The following EVPLL variants were observed in gnomAD, a reference collection of about 807,000 sequenced individuals.
EVPLL encodes the protein envoplakin-like protein.
EVPLL carries 39 observed loss-of-function variants against 46.2 expected under a neutral mutation model. That is an observed-to-expected ratio of 0.84 (90% CI 0.65 to 1.10). The LOEUF (loss-of-function observed/expected upper bound fraction) is 1.10, where lower values mean the gene tolerates loss of function less well. Ranked by LOEUF, EVPLL falls within the 50% of genes least tolerant of loss-of-function variation. EVPLL has a pLI of 0.00. For synonymous variants in EVPLL, 156 were observed against 165.8 expected (o/e 0.94, Z 0.46); for missense variants, 385 against 412.6 (o/e 0.93, Z 0.58).
chr17:18,385,873 C>T lies in EVPLL; in HGVS notation c.876+2286C>T, dbSNP rs148435527. Among the ~76,000 whole-genome samples, 882 of 152,292 alleles carry T rather than the reference C, an allele frequency of 5.8e-3. 9 individuals are homozygous for T. The highest frequency in any genetic ancestry group is 0.02 in the African/African-American group (851 of 41,558). On this transcript the variant is annotated intron_variant, in intron 9 of 10. Transcript: ENST00000399134. ...CACTGAAATTATGCACCCTGCACCC[C>T]GCCGTCCCCACCCTGGCCAGAACTA...
chr17:18,381,921 G>A lies in EVPLL; in HGVS notation c.346+191G>A, dbSNP rs1341181148. 2.3e-6 allele frequency: 2 copies of A among 857,448 alleles called. No homozygotes were observed. The highest frequency in any genetic ancestry group is 5.4e-5 in the East Asian group (2 of 37,336). 53.1% of individuals were successfully genotyped at this position (857,448 alleles called of 1,614,324 possible). Reference sequence around the variant, plus strand: ...GGAGGAGGCACATGAAGAGACCTCAGAGGGGTGAGAGGGCTCGGTTGGGTC... The same window carrying A: ...GGAGGAGGCACATGAAGAGACCTCAAAGGGGTGAGAGGGCTCGGTTGGGTC... On this transcript the variant is annotated intron_variant, in intron 4 of 10. Coordinates refer to ENST00000399134, the MANE Select transcript of EVPLL (RefSeq NM_001145127.2). This position sits in a 1 kb window ranked among gnomAD's most constrained non-coding sequence, Gnocchi z 4.2.
At position 18,383,018 on chromosome 17, in the gene EVPLL, A is replaced by G. The variant is rs1304676352; in HGVS notation, c.512-7A>G. On this transcript the variant is annotated splice_polypyrimidine_tract_variant and splice_region_variant and intron_variant, in intron 6 of 10. Transcript: ENST00000399134. Reference sequence around the variant, plus strand: ...ACCCTGCTGCTGGCGGCGGGTCCTGAGCACAGAGGGCGGCGTCGTGGCGCG... The same window carrying G: ...ACCCTGCTGCTGGCGGCGGGTCCTGGGCACAGAGGGCGGCGTCGTGGCGCG... The G allele has an allele frequency of 1.9e-6, 3 of 1,559,940 alleles. No individual in the cohort carries two copies. Among genetic ancestry groups the G allele is most frequent in the Non-Finnish European group, 2.6e-6 (3 of 1,158,040 alleles).
At position 18,383,297 on chromosome 17, in the gene EVPLL, C is replaced by A. The variant is rs1274677572; in HGVS notation, c.699C>A (p.Ser233Arg). ...YEHFKQHELL[S>R]QEQSVNQLEE... ...ACTTCAAGCAGCACGAGCTGCTGAGCCAGGAGCAGAGCGTAAACCAGCTGG... is the reference window on the plus strand; with the variant it reads ...ACTTCAAGCAGCACGAGCTGCTGAGACAGGAGCAGAGCGTAAACCAGCTGG... The change falls in exon 8 of 11, where the codon AGC becomes AGA. Residue 233 changes from serine to arginine, a missense_variant. Coordinates refer to ENST00000399134, the MANE Select transcript of EVPLL (RefSeq NM_001145127.2). The A allele has an allele frequency of 1.9e-6, 3 of 1,599,118 alleles. No homozygotes were observed. The highest frequency in any genetic ancestry group is 2.6e-6 in the Non-Finnish European group (3 of 1,174,298).
rs769218995 is a variant in EVPLL, at chr17:18,381,712, C to A, written c.328C>A (p.Arg110Ser). 3.1e-6 allele frequency: 5 copies of A among 1,614,144 alleles called. No individual in the cohort carries two copies. The South Asian group carries it at 5.5e-5, about 18-fold the overall frequency. The change falls in exon 4 of 11, where the codon CGT becomes AGT. Residue 110 changes from arginine to serine, a missense_variant. Arg to Ser is a moderately radical substitution (Grantham distance 110). Transcript: ENST00000399134. This position sits in a 1 kb window ranked among gnomAD's most constrained non-coding sequence, Gnocchi z 4.2. The stretch of plus-strand genomic sequence containing the variant: ...TGGGATCCAAGGTCGACTGGGCACA[C>A]GTGCTGGAGCAGAAACAGGTCAGGA... ...RRGIQGRLGT[R>S]AGAETEAGLR...
Position 18,382,881 on chromosome 17 carries a change from G to A in EVPLL, c.511+17G>A, listed in dbSNP as rs1987631744. On this transcript the variant is annotated intron_variant, in intron 6 of 10. Transcript: ENST00000399134. ...GACCTACTGGTGAGCAGGAGGGAGG[G>A]TCGGGCAGGGTGGCTGCAGGTGGGC... 2.5e-6 allele frequency: 4 copies of A among 1,611,884 alleles called. No homozygotes were observed. The highest frequency in any genetic ancestry group is 3.4e-4 in the Middle Eastern group (2 of 5,878).
In EVPLL at chr17:18,382,643, GT is replaced by G. The variant is rs1387069004; in HGVS notation, c.472+6del. On this transcript the variant is annotated splice_donor_region_variant and intron_variant, in intron 5 of 10. Coordinates refer to ENST00000399134, the MANE Select transcript of EVPLL (RefSeq NM_001145127.2). ...CTGCGGAGCCTGGTGGGGCCGGTGGGTGAGCCGGGAAGATGTTACATCCGGG... is the reference window on the plus strand; with the variant it reads ...CTGCGGAGCCTGGTGGGGCCGGTGGGGAGCCGGGAAGATGTTACATCCGGG... 2 of 1,551,906 alleles carry G rather than the reference GT, an allele frequency of 1.3e-6. No individual in the cohort carries two copies. Among genetic ancestry groups the G allele is most frequent in the African/African-American group, 1.4e-5 (1 of 73,064 alleles).
Position 18,388,308 on chromosome 17 carries a change from G to T in EVPLL, c.*40+20G>T, listed in dbSNP as rs1227095921. The T allele has an allele frequency of 5.3e-6, 6 of 1,141,408 alleles. No individual in the cohort carries two copies. In the East Asian group the frequency reaches 7.6e-5, roughly 14 times the overall value. 70.7% of individuals were successfully genotyped at this position (1,141,408 alleles called of 1,614,324 possible). A position where few individuals can be genotyped will look rare whatever the true frequency, so the allele number is the denominator to read the frequency against. On this transcript the variant is annotated intron_variant, in intron 10 of 10. Transcript: ENST00000399134. Reference sequence around the variant, plus strand: ...TAGCAGGTGAGAAATGAAGTACCAAGAAACTAGCAAAGGGTCTTCTGGTTG... The same window carrying T: ...TAGCAGGTGAGAAATGAAGTACCAATAAACTAGCAAAGGGTCTTCTGGTTG...
intron 9 of EVPLL, among the ~76,000 whole-genome samples, chr17:18,386,806 G>A (rs1490985017): frequency 1.3e-5 from 2 of 151,986 alleles, no homozygotes; most frequent in African/African-American, 2.4e-5. Flanking sequence ...CAGCCGGGGT[G>A]TTAGGGGTGC....
In EVPLL at chr17:18,381,557, G is replaced by T; in HGVS notation, c.218+36G>T. On this transcript the variant is annotated intron_variant, in intron 3 of 10. Transcript: ENST00000399134. The surrounding 1 kb of genome is among the most constrained non-coding windows in gnomAD (Gnocchi z 4.2). ...CTGCGGCAGGGCTGGGGGTCCCTGG[G>T]GAAGACCCAGGCCCAGCCCTGACCT... The T allele has an allele frequency of 6.2e-7, 1 of 1,613,474 alleles. No homozygotes were observed. Among genetic ancestry groups the T allele is most frequent in the Non-Finnish European group, 8.5e-7 (1 of 1,179,666 alleles).
intron 1 of EVPLL, among the ~76,000 whole-genome samples, chr17:18,379,581 C>T (rs1261118668): frequency 6.6e-6 from 1 of 152,204 alleles, no homozygotes; most frequent in Non-Finnish European, 1.5e-5. Flanking sequence ...GCAGTGTGCT[C>T]CTGGCCTGGG....
chr17:18,381,262 C>T lies in EVPLL; in HGVS notation c.64-105C>T. 10 of 1,449,770 alleles carry T rather than the reference C, an allele frequency of 6.9e-6. No homozygotes were observed. Among genetic ancestry groups the T allele is most frequent in the Non-Finnish European group, 9.1e-6 (10 of 1,100,570 alleles). The allele number at this position is 1,449,770 out of a possible 1,614,324, so 89.8% of individuals were successfully genotyped here. On this transcript the variant is annotated intron_variant, in intron 2 of 10. Coordinates refer to ENST00000399134, the MANE Select transcript of EVPLL (RefSeq NM_001145127.2). This position sits in a 1 kb window ranked among gnomAD's most constrained non-coding sequence, Gnocchi z 4.2. Reference sequence around the variant, plus strand: ...TGCCTGGCGTGGGCCTCGAGGTTGGCCAGCATAGCTGGGGTCCCAAAGGTG... The same window carrying T: ...TGCCTGGCGTGGGCCTCGAGGTTGGTCAGCATAGCTGGGGTCCCAAAGGTG...
Position 18,380,973 on chromosome 17 carries a change from C to T in EVPLL, c.36C>T (p.Ile12=), listed in dbSNP as rs1987546904. Reference sequence around the variant, plus strand: ...GCGCCGACCAGGTGGAGCGGGACATCCTGGAGACGCAGAAGAGGCTGCAGC... The same window carrying T: ...GCGCCGACCAGGTGGAGCGGGACATTCTGGAGACGCAGAAGAGGCTGCAGC... ...QASADQVERD[I]LETQKRLQQD... is the part of the protein sequence containing the mutation. The change falls in exon 2 of 11, where the codon ATC becomes ATT. Residue 12 remains isoleucine, a synonymous_variant. Transcript: ENST00000399134. 1 of 1,596,760 alleles carries T rather than the reference C, an allele frequency of 6.3e-7. No homozygotes were observed.
intron 9 of EVPLL, among the ~76,000 whole-genome samples, chr17:18,384,060 G>A (rs113838463): frequency 0.012 from 1,764 of 152,286 alleles, 37 homozygotes; most frequent in African/African-American, 0.04. Context: ...GGGTGAAGCC[G>A]TTCCCAGGGG....
At chr17:18,382,675 C>A in intron 5 of EVPLL, 37 bp downstream of exon 5, 1 of 1,552,180 alleles carries the variant, frequency 6.4e-7, no homozygotes. Context: ...CCGGGGCCAG[C>A]CCCAGCCCCT....
At chr17:18,382,383 C>G (rs992100900) in intron 4 of EVPLL, 130 bp from the exon 5 acceptor site, 1 of 1,323,618 alleles carries the variant, frequency 7.6e-7, no homozygotes, top group African/African-American at 1.5e-5. Context: ...GGGCGTGCAC[C>G]CGGGCTGCTC....
intron 9 of EVPLL, among the ~76,000 whole-genome samples, chr17:18,387,637 T>G: frequency 6.6e-6 from 1 of 151,810 alleles, no homozygotes; most frequent in Non-Finnish European, 1.5e-5. Flanking sequence ...GAGGGGGGCT[T>G]CATCTGGATT....
Position 18,381,192 on chromosome 17 carries a change from T to C in EVPLL, c.64-175T>C, listed in dbSNP as rs180829251. 2.9e-4 allele frequency: 361 copies of C among 1,238,406 alleles called. 1 individual carries two copies. The African/African-American group carries it at 4.8e-3, about 16-fold the overall frequency. 76.7% of individuals were successfully genotyped at this position (1,238,406 alleles called of 1,614,324 possible). On this transcript the variant is annotated intron_variant, in intron 2 of 10. Transcript: ENST00000399134. This position sits in a 1 kb window ranked among gnomAD's most constrained non-coding sequence, Gnocchi z 4.2. ...AACTTCCTTCTTTGCTGGGCTCCCC[T>C]GTGTCTTTGTCACCTGCCTCATGGA...
Position 18,383,518 on chromosome 17 carries a change from G to A in EVPLL, c.807G>A (p.Glu269=), listed in dbSNP as rs761671145. ...CCCACCAGGAGGCCCTGAAGATGGAGTGGCAGAACTTCCTGAACCTGTGCA... is the reference window on the plus strand; with the variant it reads ...CCCACCAGGAGGCCCTGAAGATGGAATGGCAGAACTTCCTGAACCTGTGCA... ...IQAHQEALKM[E]WQNFLNLCIC... The change falls in exon 9 of 11, where the codon GAG becomes GAA. Residue 269 remains glutamate, a synonymous_variant. Coordinates refer to ENST00000399134, the MANE Select transcript of EVPLL (RefSeq NM_001145127.2). 1.5e-5 allele frequency: 23 copies of A among 1,585,804 alleles called. No individual in the cohort carries two copies. Among genetic ancestry groups the A allele is most frequent in the East Asian group, 9.1e-5 (4 of 43,774 alleles).
intron 9 of EVPLL, among the ~76,000 whole-genome samples, chr17:18,385,069 A>G (rs1226412931): frequency 2.6e-5 from 4 of 151,548 alleles, no homozygotes; most frequent in Admixed American, 2.0e-4. Context: ...GGAGAGAGGG[A>G]GAGAGAGACA....
Sources: gnomAD v4.1 joint callset for allele counts (sites outside exome capture counted in the v4.1 genomes callset) on GRCh38, gnomAD v4.1.1 for gene constraint, Gnocchi (gnomAD v3.1) non-coding constraint, MANE v1.5 for transcripts, NCBI Gene and HGNC (gene_info 2026-07-23, HGNC 2026-07-21) for gene names.